Variants in TNS2 observed in about 807,000 individuals in gnomAD.
The protein encoded by TNS2 is tensin 2, also known as tensin-2.
Under a neutral mutation model 155.7 loss-of-function variants are expected in TNS2, and 77 were observed. The observed-to-expected ratio is 0.49, with a 90% CI of 0.41 to 0.60. TNS2 has a LOEUF of 0.60. Ranked by LOEUF, TNS2 falls within the 20% of genes least tolerant of loss-of-function variation. The pLI is 0.00. For missense variants in TNS2, 1,703 were observed against 1,868.8 expected (o/e 0.91, Z 1.64); for synonymous variants, 726 against 763.9 (o/e 0.95, Z 0.82).
intron 7 of TNS2, among the ~76,000 whole-genome samples, chr12:53,054,757 C>T (rs1463736907): frequency 1.3e-5 from 2 of 151,956 alleles, no homozygotes; most frequent in African/African-American, 4.8e-5. Context: ...TCACTGCAAC[C>T]TCCTCCACCC....
Position 53,058,569 on chromosome 12 carries a change from TAGATGAGAG to T in TNS2, c.1226-2_1232del. On this transcript the variant is annotated splice_acceptor_variant and coding_sequence_variant, in exon 16 of 29. Transcript: ENST00000314250. LOFTEE classifies it high-confidence loss of function. ...CTGGTTCTTCACTGTCCACTCCCCA[TAGATGAGAG>T]GTTCCCCTTCCAAGCCTCCGTGGAG... 6.2e-7 allele frequency: 1 copy of T among 1,614,020 alleles called. No individual in the cohort carries two copies. Among genetic ancestry groups the T allele is most frequent in the Non-Finnish European group, 8.5e-7 (1 of 1,179,970 alleles).
chr12:53,051,938 C>A lies in TNS2; in HGVS notation c.159C>A (p.Ile53=), dbSNP rs982810864. ...PPVCAVCKVT[I]DGTGVSCRVC... Reference sequence around the variant, plus strand: ...TCTGTGCAGTATGTAAGGTGACCATCGATGGGACAGGCGTTTCGTGCAGAG... The same window carrying A: ...TCTGTGCAGTATGTAAGGTGACCATAGATGGGACAGGCGTTTCGTGCAGAG... The change falls in exon 2 of 29, where the codon ATC becomes ATA. Residue 53 remains isoleucine, a synonymous_variant. Coordinates refer to ENST00000314250, the MANE Select transcript of TNS2 (RefSeq NM_170754.4). 6.2e-7 allele frequency: 1 copy of A among 1,613,434 alleles called. No individual in the cohort carries two copies. Among genetic ancestry groups the A allele is most frequent in the Admixed American group, 1.7e-5 (1 of 59,984 alleles).
In TNS2 at chr12:53,058,811, C is replaced by A; in HGVS notation, c.1389C>A (p.His463Gln). Residue 463 changes from histidine (H) to glutamine (Q), a missense_variant, in exon 17 of 29, where the codon CAC (histidine) becomes CAA (glutamine). By Grantham distance (24) the His-to-Gln change is conservative. Transcript: ENST00000314250. ...CCTATGAGAACTTCAACCAGCACCA[C>A]GAGGACAGTGTGGATGGTGCGCAGG... ...WDSYENFNQH[H>Q]EDSVDGSLTH... 6.2e-7 allele frequency: 1 copy of A among 1,613,684 alleles called. No homozygotes were observed. The highest frequency in any genetic ancestry group is 8.5e-7 in the Non-Finnish European group (1 of 1,179,984).
chr12:53,047,093 G>A (rs1487696077), upstream of TNS2: 1 of 152,348 alleles, frequency 6.6e-6, no homozygotes, highest in East Asian at 1.9e-4. Context: ...AGAAGGTGGG[G>A]AGGAGAGGAG....
At chr12:53,053,265 C>G in intron 3 of TNS2, 146 bp from the exon 4 acceptor site, 1 of 899,816 alleles carries the variant, frequency 1.1e-6, no homozygotes, top group Non-Finnish European at 1.8e-6. Context: ...GGGGAGGTGC[C>G]CTTAAATAGC....
chr12:53,054,161 CT>C (rs1244094508), intron 6 of TNS2, 108 bp from the exon 7 acceptor site: 3 of 1,577,950 alleles, frequency 1.9e-6, no homozygotes, highest in African/African-American at 1.3e-5. Flanking sequence ...TCCACCCACC[CT>C]CAGGACCCAG....
Position 53,059,370 on chromosome 12 carries a change from C to G in TNS2, c.1729C>G (p.His577Asp), listed in dbSNP as rs998909000. Residue 577 changes from histidine (H) to aspartate (D), a missense_variant, in exon 18 of 29, where the codon CAC (histidine) becomes GAC (aspartate). His to Asp is a moderately conservative substitution (Grantham distance 81). Transcript: ENST00000314250. The surrounding 1 kb of genome is among the most constrained non-coding windows in gnomAD (Gnocchi z 4.7). ...GCAGCCCACTGTGGGCGGAGGCCCC[C>G]ACCTCGGAGTGTATCCAGGCCATAG... is the stretch of plus-strand genomic sequence containing the variant. ...EEQPTVGGGPHLGVYPGHRPG... is the reference protein window; with the variant it reads ...EEQPTVGGGPDLGVYPGHRPG... 15 of 1,450,348 alleles carry G rather than the reference C, an allele frequency of 1.0e-5. No individual in the cohort carries two copies. The Admixed American group carries it at 3.4e-4, about 33-fold the overall frequency. 89.8% of individuals were successfully genotyped at this position (1,450,348 alleles called of 1,614,324 possible).
At chr12:53,058,878 G>A (rs1329451224) in intron 17 of TNS2, 51 bp downstream of exon 17, 2 of 1,588,554 alleles carry the variant, frequency 1.3e-6, no homozygotes, top group Non-Finnish European at 1.7e-6. Flanking sequence ...GCGGGACCCT[G>A]GGGGGTGGTG....
chr12:53,059,372 C>A lies in TNS2; in HGVS notation c.1731C>A (p.His577Gln), dbSNP rs1327547573. The change falls in exon 18 of 29, where the codon CAC becomes CAA. Residue 577 changes from histidine (H) to glutamine (Q), a missense_variant. Coordinates refer to ENST00000314250, the MANE Select transcript of TNS2 (RefSeq NM_170754.4). The surrounding 1 kb of genome is among the most constrained non-coding windows in gnomAD (Gnocchi z 4.7). ...AGCCCACTGTGGGCGGAGGCCCCCA[C>A]CTCGGAGTGTATCCAGGCCATAGGC... ...EEQPTVGGGP[H>Q]LGVYPGHRPG... 6.2e-5 allele frequency: 90 copies of A among 1,457,076 alleles called. No individual in the cohort carries two copies. Among genetic ancestry groups the A allele is most frequent in the Non-Finnish European group, 8.0e-5 (89 of 1,105,858 alleles). 90.3% of individuals were successfully genotyped at this position (1,457,076 alleles called of 1,614,324 possible).
chr12:53,047,367 C>T (rs1344042867), upstream of TNS2, among the ~76,000 whole-genome samples: 1 of 145,700 alleles, frequency 6.9e-6, no homozygotes, highest in African/African-American at 2.5e-5. Flanking sequence ...CCGGGCGCCC[C>T]CCGCAGGTGA....
chr12:53,058,008 TTCTCCTCTC>T lies in TNS2; in HGVS notation c.1020-16_1020-8del. ...CAGGAGCTTCTGGTTCATCTCTGCC[TTCTCCTCTC>T]TCCCCACAGTCACATTGCAGGCCCT... On this transcript the variant is annotated splice_polypyrimidine_tract_variant and intron_variant, in intron 13 of 28. Coordinates refer to ENST00000314250, the MANE Select transcript of TNS2 (RefSeq NM_170754.4). 1.9e-6 allele frequency: 3 copies of T among 1,614,040 alleles called. No individual in the cohort carries two copies. The highest frequency in any genetic ancestry group is 2.5e-6 in the Non-Finnish European group (3 of 1,180,032).
At chr12:53,048,730 G>A (rs546418050), upstream of TNS2, among the ~76,000 whole-genome samples, 31 of 152,292 alleles carry the variant, frequency 2.0e-4, 1 homozygote, top group African/African-American at 6.5e-4. Context: ...GTCAGGCTAG[G>A]CCCAATCCAG....
chr12:53,060,974 C>T lies in TNS2; in HGVS notation c.3068C>T (p.Pro1023Leu). The T allele has an allele frequency of 2.5e-6, 4 of 1,609,746 alleles. No homozygotes were observed. The highest frequency in any genetic ancestry group is 3.4e-6 in the Non-Finnish European group (4 of 1,178,200). ...GCCCCCTGGCAAGGCCCTCGAGGCC[C>T]CCCCGACAGCCCAGATGGGTCTCCC... ...RHAPWQGPRG[P>L]PDSPDGSPLT... is the part of the protein sequence containing the mutation. Residue 1023 changes from proline to leucine, a missense_variant, in exon 20 of 29, where the codon CCC becomes CTC. Physicochemically the swap from Pro to Leu is moderately conservative, Grantham distance 98. Transcript: ENST00000314250. The surrounding 1 kb of genome is among the most constrained non-coding windows in gnomAD (Gnocchi z 6.1).
chr12:53,051,343 G>C (rs959211325), intron 1 of TNS2, among the ~76,000 whole-genome samples: 1 of 152,156 alleles, frequency 6.6e-6, no homozygotes, highest in African/African-American at 2.4e-5. Context: ...TGGGGGAGGA[G>C]GGCATGTCAG....
chr12:53,063,591 A>G lies in TNS2; in HGVS notation c.4090A>G (p.Lys1364Glu), dbSNP rs771315681. 2 of 1,612,076 alleles carry G rather than the reference A, an allele frequency of 1.2e-6. No homozygotes were observed. Among genetic ancestry groups the G allele is most frequent in the Non-Finnish European group, 1.7e-6 (2 of 1,179,658 alleles). The change falls in exon 28 of 29, where the codon AAG becomes GAG. Residue 1364 changes from lysine (K) to glutamate (E), a missense_variant and splice_region_variant. Lys to Glu is a moderately conservative substitution (Grantham distance 56, BLOSUM62 1). Transcript: ENST00000314250. This position sits in a 1 kb window ranked among gnomAD's most constrained non-coding sequence, Gnocchi z 5.6. ...GACCAACCCAGACGGGACCACCTCC[A>G]AGTAAGCCTCCCCACGAATTCAGCC... is the stretch of plus-strand genomic sequence containing the variant. The part of the protein sequence containing the change: ...RWTNPDGTTS[K>E]IFGFVAKKPG...
At position 53,060,004 on chromosome 12, in the gene TNS2, C is replaced by T; in HGVS notation, c.2363C>T (p.Thr788Ile). The change falls in exon 18 of 29, where the codon ACA (threonine) becomes ATA (isoleucine). Residue 788 changes from threonine to isoleucine, a missense_variant. Coordinates refer to ENST00000314250, the MANE Select transcript of TNS2 (RefSeq NM_170754.4). The surrounding 1 kb of genome is among the most constrained non-coding windows in gnomAD (Gnocchi z 6.1). ...CATCCAGGGTACCCTGCCCTGGTGA[C>T]ATACAGCTATGGAGGAGCAGTTCCC... Reference protein sequence around the residue: ...YGHPGYPALVTYSYGGAVPSY... With the variant: ...YGHPGYPALVIYSYGGAVPSY... 6.2e-7 allele frequency: 1 copy of T among 1,613,524 alleles called. No individual in the cohort carries two copies. Among genetic ancestry groups the T allele is most frequent in the East Asian group, 2.2e-5 (1 of 44,884 alleles).
Position 53,050,235 on chromosome 12 carries a change from G to C in TNS2, c.50G>C (p.Arg17Thr), listed in dbSNP as rs754839630. 1 of 1,610,144 alleles carries C rather than the reference G, an allele frequency of 6.2e-7. No homozygotes were observed. The highest frequency in any genetic ancestry group is 1.1e-5 in the South Asian group (1 of 90,504). Reference sequence around the variant, plus strand: ...AGGCTGCTCAGAGCCCTGGGGAGGAGGGACAGCAGCCGGGCCGCAAGCAGG... The same window carrying C: ...AGGCTGCTCAGAGCCCTGGGGAGGACGGACAGCAGCCGGGCCGCAAGCAGG... Reference protein sequence around the residue: ...VERLLRALGRRDSSRAASRPR... With the variant: ...VERLLRALGRTDSSRAASRPR... The change falls in exon 1 of 29, where the codon AGG becomes ACG. Residue 17 changes from arginine (R) to threonine (T), a missense_variant. Physicochemically the swap from Arg to Thr is moderately conservative, Grantham distance 71. Transcript: ENST00000314250. The surrounding 1 kb of genome is among the most constrained non-coding windows in gnomAD (Gnocchi z 4.7).
upstream of TNS2, among the ~76,000 whole-genome samples, chr12:53,048,100 G>A (rs1023370084): frequency 3.9e-5 from 6 of 152,170 alleles, no homozygotes; most frequent in African/African-American, 1.2e-4. Flanking sequence ...GTCTAGTGAT[G>A]CCTTCCCAGC....
At position 53,063,771 on chromosome 12, in the gene TNS2, G is replaced by A. The variant is rs148970226; in HGVS notation, c.4119G>A (p.Pro1373=). The part of the protein sequence containing the change: ...SKIFGFVAKK[P]GSPWENVCHL... ...TCTTTGGTTTCGTGGCCAAGAAGCC[G>A]GGAAGCCCCTGGGAGAATGTGTGTC... The change falls in exon 29 of 29, where the codon CCG becomes CCA. Residue 1373 remains proline, a synonymous_variant. Transcript: ENST00000314250. The surrounding 1 kb of genome is among the most constrained non-coding windows in gnomAD (Gnocchi z 5.6). 1.9e-5 allele frequency: 30 copies of A among 1,613,986 alleles called. No homozygotes were observed. Among genetic ancestry groups the A allele is most frequent in the Middle Eastern group, 3.3e-4 (2 of 6,084 alleles).
Sources: allele counts gnomAD v4.1 joint callset (sites outside exome capture counted in the v4.1 genomes callset), GRCh38; gene constraint gnomAD v4.1.1; non-coding constraint Gnocchi (gnomAD v3.1); transcripts MANE v1.5; gene names NCBI Gene and HGNC (gene_info 2026-07-23, HGNC 2026-07-21).